The following RADIL variants were observed in gnomAD, a reference collection of about 807,000 sequenced individuals.
RADIL encodes ras-associating and dilute domain-containing protein.
RADIL carries 99 observed loss-of-function variants against 97.6 expected under a neutral mutation model. The observed-to-expected ratio is 1.01, with a 90% CI of 0.86 to 1.20. RADIL has a LOEUF of 1.20. Among genes scored for constraint, RADIL ranks in the 50% most tolerant of loss-of-function variants. RADIL has a pLI of 0.00. For synonymous variants in RADIL, 803 were observed against 691.8 expected, an observed-to-expected ratio of 1.16 and a Z score of -2.52; for missense variants, 1,765 against 1,498.9, an observed-to-expected ratio of 1.18 and a Z score of -2.93.
Position 4,799,669 on chromosome 7 carries a change from T to G in RADIL, c.3083A>C (p.Glu1028Ala). 1 of 1,596,334 alleles carries G rather than the reference T, an allele frequency of 6.3e-7. No homozygotes were observed. The change falls in exon 14 of 15, where the codon GAG becomes GCG. Residue 1028 changes from glutamate to alanine, a missense_variant. Coordinates refer to ENST00000399583, the MANE Select transcript of RADIL (RefSeq NM_018059.5). ...GCCCAGGAGGCTGCTGCCATTCACCTCCAGGATACGGTCCCCCAGCGACAG... is the reference window on the plus strand; with the variant it reads ...GCCCAGGAGGCTGCTGCCATTCACCGCCAGGATACGGTCCCCCAGCGACAG... ...GRLSLGDRIL[E>A]VNGSSLLGLG...
chr7:4,831,998 A>T, intron 5 of RADIL, 143 bp downstream of exon 5: 1 of 838,066 alleles, frequency 1.2e-6, no homozygotes, highest in Admixed American at 2.8e-5. Context: ...AGAAGCAAAA[A>T]AGGCCGCTGC....
Position 4,861,634 on chromosome 7 carries a change from C to T in RADIL, c.535+15971G>A, listed in dbSNP as rs374129768. The T allele has an allele frequency of 2.9e-5, 46 of 1,610,328 alleles. No homozygotes were observed. In the African/African-American group the frequency reaches 5.5e-4, roughly 19 times the overall value. ...TTTCCAAAACTAAAATCCTGCGCTGCAGTTCCTCTTCCTCTTCGAAGACCC... is the reference window on the plus strand; with the variant it reads ...TTTCCAAAACTAAAATCCTGCGCTGTAGTTCCTCTTCCTCTTCGAAGACCC... On this transcript the variant is annotated intron_variant, in intron 2 of 14. Transcript: ENST00000399583.
rs551835347 is a variant in RADIL at position 4,815,062 on chromosome 7, G to T, written c.2139+216C>A. Among the ~76,000 whole-genome samples, 1 of 152,168 alleles carries T rather than the reference G, an allele frequency of 6.6e-6. No individual in the cohort carries two copies. Among genetic ancestry groups the T allele is most frequent in the Admixed American group, 6.5e-5 (1 of 15,278 alleles). The stretch of plus-strand genomic sequence containing the variant: ...GGGTAATACGGTCACAGGGTAAGAC[G>T]GTCACGGGTCTCAGACATCTTTGGG... On this transcript the variant is annotated intron_variant, in intron 9 of 14. Coordinates refer to ENST00000399583, the MANE Select transcript of RADIL (RefSeq NM_018059.5). This position sits in a 1 kb window ranked among gnomAD's most constrained non-coding sequence, Gnocchi z 8.0.
chr7:4,855,044 G>GT (rs1248838159), intron 2 of RADIL, among the ~76,000 whole-genome samples: 2 of 152,186 alleles, frequency 1.3e-5, no homozygotes, highest in African/African-American at 4.8e-5. Flanking sequence ...ATCACACTGT[G>GT]TGCATTTTTG....
intron 5 of RADIL, among the ~76,000 whole-genome samples, chr7:4,827,446 G>C (rs1049369433): frequency 6.6e-6 from 1 of 151,100 alleles, no homozygotes; most frequent in South Asian, 2.1e-4. Flanking sequence ...GGTCACCAGA[G>C]GTCAGGCGAT....
chr7:4,804,690 G>C (rs1238024911), intron 10 of RADIL, among the ~76,000 whole-genome samples: 1 of 152,148 alleles, frequency 6.6e-6, no homozygotes, highest in Non-Finnish European at 1.5e-5. Context: ...GGGAGACTGA[G>C]GCAGGAGAAT....
At chr7:4,871,708 C>T (rs922988483) in intron 2 of RADIL, among the ~76,000 whole-genome samples, 13 of 152,222 alleles carry the variant, frequency 8.5e-5, no homozygotes, top group African/African-American at 3.1e-4. Flanking sequence ...ACGGACCCCA[C>T]TCGGGAGTCT....
At position 4,844,528 on chromosome 7, in the gene RADIL, A is replaced by T. The variant is rs200024684; in HGVS notation, c.536-7923T>A. On this transcript the variant is annotated intron_variant, in intron 2 of 14. Transcript: ENST00000399583. ...TTGTGTATGTAGGAAATGCAAAAGA[A>T]TCTATGGAAAAATTATTATAATTAA... Among the ~76,000 whole-genome samples, 32 of 152,366 alleles carry T rather than the reference A, an allele frequency of 2.1e-4. 1 individual carries two copies. In the East Asian group the frequency reaches 5.8e-3, roughly 28 times the overall value.
Position 4,801,955 on chromosome 7 carries a change from GGGGCCTCCAGGTGCCC to G in RADIL, c.2524_2539del (p.Gly842ArgfsTer25), listed in dbSNP as rs1562424893. 1 of 1,556,236 alleles carries G rather than the reference GGGGCCTCCAGGTGCCC, an allele frequency of 6.4e-7. No individual in the cohort carries two copies. The highest frequency in any genetic ancestry group is 2.1e-5 in the Admixed American group (1 of 48,150). ...GTCCCTGGGAGCCAGGGGGCAGCTC[GGGGCCTCCAGGTGCCC>G]GTCAAGGACCACGTGGTGCATACCC... On this transcript the variant is annotated frameshift_variant, in exon 12 of 15. Coordinates refer to ENST00000399583, the MANE Select transcript of RADIL (RefSeq NM_018059.5). LOFTEE classifies it high-confidence loss of function.
chr7:4,817,206 G>T lies in RADIL; in HGVS notation c.1728+33C>A. 1 of 1,574,414 alleles carries T rather than the reference G, an allele frequency of 6.4e-7. No homozygotes were observed. Among genetic ancestry groups the T allele is most frequent in the Non-Finnish European group, 8.7e-7 (1 of 1,150,594 alleles). On this transcript the variant is annotated intron_variant, in intron 7 of 14. Transcript: ENST00000399583. This position sits in a 1 kb window ranked among gnomAD's most constrained non-coding sequence, Gnocchi z 8.3. ...TGAGCCCCACTTGATCCCAGGAGCT[G>T]CCTGAGTGCAGAAGCAGAGCCCGTC...
intron 9 of RADIL, chr7:4,809,316 T>C (rs1384396838): frequency 5.1e-6 from 5 of 985,350 alleles, no homozygotes; most frequent in Non-Finnish European, 6.0e-6. Context: ...CTCGGCCTAG[T>C]TTCCCTAGCC....
chr7:4,816,509 C>G (rs749819171), intron 7 of RADIL, 44 bp from the exon 8 acceptor site: 98 of 1,527,666 alleles, frequency 6.4e-5, no homozygotes, highest in Non-Finnish European at 8.8e-5. Flanking sequence ...TTTCCAGGAG[C>G]GCTGGCGGCC....
chr7:4,881,437 C>CA (rs1784484825), intron 1 of RADIL, among the ~76,000 whole-genome samples: 1 of 80,624 alleles, frequency 1.2e-5, no homozygotes, highest in African/African-American at 4.9e-5. Context: ...AAAAAAAAGA[C>CA]AAAAATTGGC....
intron 9 of RADIL, 139 bp from the exon 10 acceptor site, chr7:4,805,855 G>GTTTTA: frequency 7.2e-7 from 1 of 1,397,186 alleles, no homozygotes. Flanking sequence ...GGCCATCTGT[G>GTTTTA]AGGGGGACGG....
intron 2 of RADIL, among the ~76,000 whole-genome samples, chr7:4,845,765 TCTGAAAAGCAA>T (rs1434742394): frequency 2.0e-5 from 3 of 152,196 alleles, no homozygotes; most frequent in African/African-American, 7.2e-5. Flanking sequence ...AATCGCGCTC[TCTGAAAAGCAA>T]CTGAAAACCT....
intron 2 of RADIL, chr7:4,860,233 C>T (rs1236695625): frequency 6.2e-7 from 1 of 1,613,996 alleles, no homozygotes; most frequent in Admixed American, 1.7e-5. Context: ...AGCCTGCAGA[C>T]AAGTCAAAGC....
rs772547654 is a variant in RADIL at position 4,822,588 on chromosome 7, G to A, written c.1455-34C>T. ...ACAGAAAGACTAAGAGTTACGCGGGGACCCGACCCTCAGGAGGCTGAATCT... is the reference window on the plus strand; with the variant it reads ...ACAGAAAGACTAAGAGTTACGCGGGAACCCGACCCTCAGGAGGCTGAATCT... On this transcript the variant is annotated intron_variant, in intron 5 of 14. Coordinates refer to ENST00000399583, the MANE Select transcript of RADIL (RefSeq NM_018059.5). The surrounding 1 kb of genome is among the most constrained non-coding windows in gnomAD (Gnocchi z 5.3). The A allele has an allele frequency of 3.8e-5, 61 of 1,601,206 alleles. No individual in the cohort carries two copies. The highest frequency in any genetic ancestry group is 2.1e-4 in the South Asian group (19 of 89,036).
chr7:4,821,498 A>G lies in RADIL; in HGVS notation c.1615+896T>C, dbSNP rs925432669. On this transcript the variant is annotated intron_variant, in intron 6 of 14. Transcript: ENST00000399583. The surrounding 1 kb of genome is among the most constrained non-coding windows in gnomAD (Gnocchi z 5.2). ...CGGCCCCATGCCACCTTCCTCTCGA[A>G]GCCCCCTAGACTGCCCCGATGGAAT... Among the ~76,000 whole-genome samples, 2 of 152,142 alleles carry G rather than the reference A, an allele frequency of 1.3e-5. No individual in the cohort carries two copies. The highest frequency in any genetic ancestry group is 4.8e-5 in the African/African-American group (2 of 41,432).
At chr7:4,882,116 G>A (rs972347957) in intron 1 of RADIL, 3 of 152,222 alleles carry the variant, frequency 2.0e-5, no homozygotes, top group Admixed American at 6.5e-5. Context: ...AACCTTATCT[G>A]TTTTGGGATT....
Sources: allele counts gnomAD v4.1 joint callset (sites outside exome capture counted in the v4.1 genomes callset), GRCh38; gene constraint gnomAD v4.1.1; non-coding constraint Gnocchi (gnomAD v3.1); transcripts MANE v1.5; gene names NCBI Gene and HGNC (gene_info 2026-07-23, HGNC 2026-07-21).